The following HPSE2 variants were observed in gnomAD, a reference collection of about 807,000 sequenced individuals.
HPSE2 encodes the protein inactive heparanase-2.
Under a neutral mutation model 60.5 loss-of-function variants are expected in HPSE2, and 38 were observed. The observed-to-expected ratio is 0.63, with a 90% confidence interval of 0.48 to 0.82. HPSE2 has a LOEUF of 0.82. Among genes scored for constraint, HPSE2 ranks in the 40% least tolerant of loss-of-function variants. The probability of loss-of-function intolerance (pLI) is 0.00; values close to 1 mark genes in which losing one functional copy is unlikely to be tolerated. For synonymous variants in HPSE2, 295 were observed against 293.2 expected (o/e 1.01, Z -0.06); for missense variants, 713 against 740.4 (o/e 0.96, Z 0.43).
At chr10:98,755,111 A>C (rs1949848755) in intron 3 of HPSE2, among the ~76,000 whole-genome samples, 1 of 152,108 alleles carries the variant, frequency 6.6e-6, no homozygotes, top group Non-Finnish European at 1.5e-5. Flanking sequence ...ACCCAACTAT[A>C]TGCTGTATTC....
intron 7 of HPSE2, among the ~76,000 whole-genome samples, chr10:98,624,282 T>TAGATAGCGG (rs1946149434): frequency 6.6e-6 from 1 of 152,294 alleles, no homozygotes; most frequent in Non-Finnish European, 1.5e-5. Flanking sequence ...GTCAGTACTT[T>TAGATAGCGG]AGATAGCGGT....
chr10:99,237,677 G>A (rs933699722), upstream of HPSE2, among the ~76,000 whole-genome samples: 7 of 152,156 alleles, frequency 4.6e-5, no homozygotes, highest in Admixed American at 6.5e-5. Flanking sequence ...CCAGCCCTAA[G>A]GCCTGTTTCC....
chr10:98,897,485 A>G (rs924995179), intron 3 of HPSE2, among the ~76,000 whole-genome samples: 5 of 152,206 alleles, frequency 3.3e-5, no homozygotes, highest in Non-Finnish European at 7.3e-5. Context: ...CAATAAAATG[A>G]CAGTAATCAA....
At chr10:98,556,473 A>C (rs1414873359) in intron 9 of HPSE2, among the ~76,000 whole-genome samples, 2 of 152,254 alleles carry the variant, frequency 1.3e-5, no homozygotes, top group African/African-American at 2.4e-5. Flanking sequence ...TGAATTTTGC[A>C]ACGTCACTGG....
At chr10:99,209,416 G>A (rs887160741) in intron 2 of HPSE2, among the ~76,000 whole-genome samples, 3 of 151,866 alleles carry the variant, frequency 2.0e-5, no homozygotes, top group Non-Finnish European at 4.4e-5. Context: ...GAAATTAAAA[G>A]GCAAATTTTA....
chr10:98,743,525 T>C (rs1949553303), intron 4 of HPSE2, among the ~76,000 whole-genome samples: 1 of 152,208 alleles, frequency 6.6e-6, no homozygotes, highest in Non-Finnish European at 1.5e-5. Context: ...AGGATCATCT[T>C]GTAGGACCAA....
At position 98,458,983 on chromosome 10, in the gene HPSE2, G is replaced by GCT. The variant is rs1454839154; in HGVS notation, c.*589_*590dup. The GCT allele has an allele frequency of 6.1e-6, 1 of 163,776 alleles. No individual in the cohort carries two copies. The allele number at this position is 163,776 out of a possible 1,614,324, so 10.1% of individuals were successfully genotyped here. A position where few individuals can be genotyped will look rare whatever the true frequency, so the allele number is the denominator to read the frequency against. On this transcript the variant is annotated 3_prime_UTR_variant, in exon 12 of 12. Transcript: ENST00000370552. The stretch of plus-strand genomic sequence containing the variant: ...CACTGTCAGGAACCCAGATGCGCAC[G>GCT]CTCATACATCAGCCGGGAAATCATA...
intron 3 of HPSE2, among the ~76,000 whole-genome samples, chr10:98,914,917 A>C (rs568458273): frequency 6.6e-6 from 1 of 151,998 alleles, no homozygotes; most frequent in African/African-American, 2.4e-5. Flanking sequence ...AATTTAAGAA[A>C]AATCCATTAT....
intron 3 of HPSE2, among the ~76,000 whole-genome samples, chr10:98,992,836 T>TA (rs1168246059): frequency 6.6e-6 from 1 of 152,224 alleles, no homozygotes; most frequent in Non-Finnish European, 1.5e-5. Flanking sequence ...GGTTTGAAGT[T>TA]AGACAGCACT....
intron 3 of HPSE2, among the ~76,000 whole-genome samples, chr10:99,004,269 T>A (rs1207791093): frequency 6.6e-6 from 1 of 151,902 alleles, no homozygotes; most frequent in African/African-American, 2.4e-5. Context: ...ATGTAAGGGC[T>A]TATCACTGTT....
chr10:98,934,858 G>A (rs1238826170), intron 3 of HPSE2, among the ~76,000 whole-genome samples: 1 of 143,434 alleles, frequency 7.0e-6, no homozygotes, highest in Non-Finnish European at 1.5e-5. Flanking sequence ...AGTTGCCCTG[G>A]ATGATATCCT....
chr10:98,971,318 G>C (rs1445878582), intron 3 of HPSE2, among the ~76,000 whole-genome samples: 3 of 152,064 alleles, frequency 2.0e-5, no homozygotes, highest in Non-Finnish European at 4.4e-5. Context: ...ATTTTTACTT[G>C]TGATCTCAAA....
intron 2 of HPSE2, among the ~76,000 whole-genome samples, chr10:99,185,990 G>A (rs937813823): frequency 2.6e-5 from 4 of 151,926 alleles, no homozygotes; most frequent in African/African-American, 9.7e-5. Context: ...AAAAGGCAAA[G>A]AGAGAAAGAA....
chr10:98,664,209 T>A (rs1055599314), intron 6 of HPSE2, among the ~76,000 whole-genome samples: 1 of 151,994 alleles, frequency 6.6e-6, no homozygotes, highest in African/African-American at 2.4e-5. Flanking sequence ...GGGACCCTGA[T>A]TAAACTCTGC....
rs1426039478 is a variant in HPSE2 at position 99,091,326 on chromosome 10, T to C, written c.610+52912A>G. 3.9e-5 allele frequency among the ~76,000 whole-genome samples: 6 copies of C among 152,128 alleles called. No homozygotes were observed. The East Asian group carries it at 7.7e-4, about 20-fold the overall frequency. On this transcript the variant is annotated intron_variant, in intron 3 of 11. Coordinates refer to ENST00000370552, the MANE Select transcript of HPSE2 (RefSeq NM_021828.5). ...ACAGAGAAGTGTACCCACTACCTTA[T>C]TAAAACTAAACCTTGTGAAAAAGAG...
intron 3 of HPSE2, among the ~76,000 whole-genome samples, chr10:98,847,860 A>G (rs377535606): frequency 9.8e-5 from 15 of 152,324 alleles, no homozygotes; most frequent in African/African-American, 3.6e-4. Context: ...TCCCTTTACT[A>G]TTTGTGGAAA....
At chr10:99,124,546 T>C (rs73331967) in intron 3 of HPSE2, among the ~76,000 whole-genome samples, 1,823 of 152,310 alleles carry the variant, frequency 0.012, 36 homozygotes, top group African/African-American at 0.041. Flanking sequence ...CCTGTGTTTG[T>C]TGGCACCCAA....
chr10:98,723,364 G>C (rs974493924), intron 4 of HPSE2, among the ~76,000 whole-genome samples: 1 of 141,482 alleles, frequency 7.1e-6, no homozygotes, highest in Non-Finnish European at 1.6e-5. Flanking sequence ...AATTCGGTTT[G>C]CCAGTATCTT....
intron 6 of HPSE2, among the ~76,000 whole-genome samples, chr10:98,643,125 C>T (rs1946679975): frequency 6.6e-6 from 1 of 152,226 alleles, no homozygotes; most frequent in Non-Finnish European, 1.5e-5. Flanking sequence ...AGTGCTTAAA[C>T]CATTGGAATG....
Sources: gnomAD v4.1 joint callset for allele counts (sites outside exome capture counted in the v4.1 genomes callset) on GRCh38, gnomAD v4.1.1 for gene constraint, MANE v1.5 for transcripts, NCBI Gene and HGNC (gene_info 2026-07-23, HGNC 2026-07-21) for gene names.